PPP3CA: variants seen among roughly 807,000 people sequenced by gnomAD.
PPP3CA encodes the protein protein phosphatase 3 catalytic subunit alpha, also known as CAM-PRP catalytic subunit.
PPP3CA carries 14 observed loss-of-function variants against 66.5 expected under a neutral mutation model. The observed-to-expected ratio is 0.21, with a 90% CI of 0.14 to 0.33. The LOEUF (loss-of-function observed/expected upper bound fraction) is 0.33, where lower values mean the gene tolerates loss of function less well. PPP3CA is among the 10% of genes least tolerant of loss of function. The probability of loss-of-function intolerance (pLI) is 1.00; values close to 1 mark genes in which losing one functional copy is unlikely to be tolerated. For synonymous variants in PPP3CA, 232 were observed against 226.2 expected (o/e 1.03, Z -0.23); for missense variants, 317 against 639.5 (o/e 0.50, Z 5.44).
intron 1 of PPP3CA, among the ~76,000 whole-genome samples, chr4:101,255,035 CAAAAAAAAA>C (rs1163406764): frequency 2.2e-5 from 1 of 44,710 alleles, no homozygotes; most frequent in Non-Finnish European, 5.0e-5. Flanking sequence ...AGTCCCGTCT[CAAAAAAAAA>C]AAAAAAAAAA....
chr4:101,277,964 G>C (rs1727554971), intron 1 of PPP3CA, among the ~76,000 whole-genome samples: 1 of 151,804 alleles, frequency 6.6e-6, no homozygotes, highest in African/African-American at 2.4e-5. Flanking sequence ...CCTAGGATCA[G>C]TCCTGATTTT....
chr4:101,100,450 T>C (rs987460935), intron 3 of PPP3CA, among the ~76,000 whole-genome samples: 1 of 152,134 alleles, frequency 6.6e-6, no homozygotes, highest in Non-Finnish European at 1.5e-5. Context: ...AGGATACATT[T>C]GATATACCTT....
chr4:101,077,767 G>C (rs1262653505), intron 8 of PPP3CA, among the ~76,000 whole-genome samples: 1 of 151,268 alleles, frequency 6.6e-6, no homozygotes, highest in Non-Finnish European at 1.5e-5. Context: ...CTACCCCAAA[G>C]GCAAGAACAC....
chr4:101,334,441 G>C (rs12640431), intron 1 of PPP3CA, among the ~76,000 whole-genome samples: 1 of 151,946 alleles, frequency 6.6e-6, no homozygotes. Flanking sequence ...ACCCCCGAGT[G>C]ACAATTTCAA....
intron 1 of PPP3CA, among the ~76,000 whole-genome samples, chr4:101,289,870 ATGTGTGTGTGTGTGTGTGTGTGTG>A (rs72004461): frequency 7.1e-6 from 1 of 141,728 alleles, no homozygotes; most frequent in Admixed American, 7.0e-5. Context: ...ATGTCCGTGT[ATGTGTGTGTGTGTGTGTGTGTGTG>A]TGTGTGTGTG....
At chr4:101,324,827 A>C (rs1199264593) in intron 1 of PPP3CA, among the ~76,000 whole-genome samples, 1 of 152,226 alleles carries the variant, frequency 6.6e-6, no homozygotes. Flanking sequence ...TTACCGACAC[A>C]AGACTAAGTA....
At chr4:101,276,109 G>A (rs1285543467) in intron 1 of PPP3CA, among the ~76,000 whole-genome samples, 1 of 151,934 alleles carries the variant, frequency 6.6e-6, no homozygotes, top group Non-Finnish European at 1.5e-5. Context: ...TTCCCAGGCT[G>A]GTCCCGAACT....
At position 101,087,236 on chromosome 4, in the gene PPP3CA, A is replaced by G. The variant is rs180924583; in HGVS notation, c.783-3973T>C. 2.9e-3 allele frequency among the ~76,000 whole-genome samples: 445 copies of G among 152,210 alleles called. 7 individuals are homozygous for G. The highest frequency in any genetic ancestry group is 0.02 in the Middle Eastern group (6 of 294). On this transcript the variant is annotated intron_variant, in intron 6 of 13. Coordinates refer to ENST00000394854, the MANE Select transcript of PPP3CA (RefSeq NM_000944.5). ...CTTGATCTAATTTCATTTTTGTCCA[A>G]TGGGGATCAAGTCCTAAGGGGCCAA...
intron 8 of PPP3CA, among the ~76,000 whole-genome samples, chr4:101,064,420 C>A (rs1728596614): frequency 6.6e-6 from 1 of 151,906 alleles, no homozygotes; most frequent in South Asian, 2.1e-4. Flanking sequence ...CCTTCTTAGG[C>A]TTTGGCAAGA....
rs576067230 is a variant in PPP3CA at position 101,109,469 on chromosome 4, C to T, written c.260-391G>A. On this transcript the variant is annotated intron_variant, in intron 2 of 13. Coordinates refer to ENST00000394854, the MANE Select transcript of PPP3CA (RefSeq NM_000944.5). ...ATGTTTTCATTTTGCAGGTAAAAGACGACACCAAAGAATGGTTCAGGAATT... is the reference window on the plus strand; with the variant it reads ...ATGTTTTCATTTTGCAGGTAAAAGATGACACCAAAGAATGGTTCAGGAATT... Among the ~76,000 whole-genome samples, 7 of 151,798 alleles carry T rather than the reference C, an allele frequency of 4.6e-5. No homozygotes were observed. In the East Asian group the frequency reaches 9.7e-4, roughly 21 times the overall value.
chr4:101,213,752 CT>C (rs1164352024), intron 1 of PPP3CA, among the ~76,000 whole-genome samples: 1 of 152,208 alleles, frequency 6.6e-6, no homozygotes, highest in South Asian at 2.1e-4. Flanking sequence ...AATAACACAG[CT>C]TGTGGGCAGA....
chr4:101,247,104 T>C (rs1726507115), intron 1 of PPP3CA, among the ~76,000 whole-genome samples: 1 of 152,150 alleles, frequency 6.6e-6, no homozygotes, highest in African/African-American at 2.4e-5. Context: ...AAAGTCTTTT[T>C]AATGCCTAAC....
At chr4:101,099,831 A>C (rs1301564782) in intron 3 of PPP3CA, 109 bp from the exon 4 acceptor site, 10 of 499,478 alleles carry the variant, frequency 2.0e-5, no homozygotes, top group Non-Finnish European at 3.1e-5. Context: ...CATGACCAAA[A>C]GTCCCCCAAA....
chr4:101,294,734 ATGCAT>A (rs1728142027), intron 1 of PPP3CA, among the ~76,000 whole-genome samples: 1 of 152,030 alleles, frequency 6.6e-6, no homozygotes, highest in Non-Finnish European at 1.5e-5. Context: ...GGGGAGTTCT[ATGCAT>A]TGTAGGATGT....
At chr4:101,280,100 GCGAATA>G in intron 1 of PPP3CA, among the ~76,000 whole-genome samples, 1 of 152,284 alleles carries the variant, frequency 6.6e-6, no homozygotes, top group South Asian at 2.1e-4. Flanking sequence ...GAACACATTA[GCGAATA>G]AAATGGACAA....
At chr4:101,063,189 C>T in intron 9 of PPP3CA, 43 bp downstream of exon 9, 1 of 1,592,810 alleles carries the variant, frequency 6.3e-7, no homozygotes, top group Non-Finnish European at 8.6e-7. Flanking sequence ...TCCTTCCTTC[C>T]TAAACTATTT....
intron 1 of PPP3CA, among the ~76,000 whole-genome samples, chr4:101,262,974 C>T (rs1474659152): frequency 6.6e-6 from 1 of 152,110 alleles, no homozygotes; most frequent in African/African-American, 2.4e-5. Context: ...AGAGAAACAA[C>T]ACTGAAAATA....
At chr4:101,247,993 C>T (rs1726544644) in intron 1 of PPP3CA, among the ~76,000 whole-genome samples, 1 of 151,992 alleles carries the variant, frequency 6.6e-6, no homozygotes, top group African/African-American at 2.4e-5. Flanking sequence ...TAAACAATGT[C>T]CCAAGAGAGT....
chr4:101,026,931 T>C (rs867025418), intron 13 of PPP3CA, among the ~76,000 whole-genome samples: 1 of 152,210 alleles, frequency 6.6e-6, no homozygotes, highest in Non-Finnish European at 1.5e-5. Flanking sequence ...AAAAATGCAT[T>C]GAACTGGTTT....
Sources: gnomAD v4.1 joint callset for allele counts (sites outside exome capture counted in the v4.1 genomes callset) on GRCh38, gnomAD v4.1.1 for gene constraint, MANE v1.5 for transcripts, NCBI Gene and HGNC (gene_info 2026-07-23, HGNC 2026-07-21) for gene names.